Variants in TBCD observed in about 807,000 individuals in gnomAD.
The protein encoded by TBCD is tubulin-specific chaperone D.
TBCD carries 105 observed loss-of-function variants against 169.3 expected under a neutral mutation model. The observed-to-expected ratio is 0.62, with a 90% CI of 0.53 to 0.73. The LOEUF (loss-of-function observed/expected upper bound fraction) is 0.73, where lower values mean the gene tolerates loss of function less well. Ranked by LOEUF, TBCD falls within the 30% of genes least tolerant of loss-of-function variation. TBCD has a pLI of 0.00. For missense variants in TBCD, 1,444 were observed against 1,600.1 expected, an observed-to-expected ratio of 0.90 and a Z score of 1.66; for synonymous variants, 700 against 643.9, an observed-to-expected ratio of 1.09 and a Z score of -1.32.
chr17:82,873,468 A>C (rs1242611665), intron 14 of TBCD, among the ~76,000 whole-genome samples: 2 of 152,118 alleles, frequency 1.3e-5, no homozygotes, highest in Non-Finnish European at 2.9e-5. Context: ...CTGTAATGAG[A>C]GTCTCCAGAT....
At chr17:82,786,746 C>A (rs1436590212) in intron 7 of TBCD, among the ~76,000 whole-genome samples, 1 of 151,962 alleles carries the variant, frequency 6.6e-6, no homozygotes, top group Non-Finnish European at 1.5e-5. Flanking sequence ...GCTCCGAGTC[C>A]TTCTCGGCTT....
At chr17:82,771,768 G>A (rs903634449) in intron 5 of TBCD, among the ~76,000 whole-genome samples, 4 of 151,672 alleles carry the variant, frequency 2.6e-5, no homozygotes, top group African/African-American at 4.8e-5. Flanking sequence ...GTGACAGAGC[G>A]AGACCCGGTC....
At chr17:82,916,967 C>T (rs1413191518) in intron 23 of TBCD, among the ~76,000 whole-genome samples, 10 of 151,808 alleles carry the variant, frequency 6.6e-5, no homozygotes, top group Admixed American at 5.2e-4. Context: ...CGCCTCCTTA[C>T]ACTCCCTCCT....
chr17:82,883,624 C>T (rs1447292302), intron 14 of TBCD, among the ~76,000 whole-genome samples: 2 of 152,194 alleles, frequency 1.3e-5, no homozygotes, highest in African/African-American at 4.8e-5. Flanking sequence ...TCCCTCTGGG[C>T]ACGGTGGGTG....
rs941973414 is a variant in TBCD, at chr17:82,831,052, T to C, written c.1318+16118T>C. Reference sequence around the variant, plus strand: ...AGACTCTGCTGTGGTCTCAGCAGCCTGGGCAGGTAGGCATTCTGTGCTTTT... The same window carrying C: ...AGACTCTGCTGTGGTCTCAGCAGCCCGGGCAGGTAGGCATTCTGTGCTTTT... On this transcript the variant is annotated intron_variant, in intron 13 of 38. Coordinates refer to ENST00000355528, the MANE Select transcript of TBCD (RefSeq NM_005993.5). The surrounding 1 kb of genome is among the most constrained non-coding windows in gnomAD (Gnocchi z 4.6). 9 of 1,614,062 alleles carry C rather than the reference T, an allele frequency of 5.6e-6. No individual in the cohort carries two copies. In the Admixed American group the frequency reaches 6.7e-5, roughly 12 times the overall value.
In TBCD at chr17:82,938,093, C is replaced by G; in HGVS notation, c.3326C>G (p.Ala1109Gly). ...VQFPGDVRRQALLQLCLLLCH... is the reference protein window; with the variant it reads ...VQFPGDVRRQGLLQLCLLLCH... ...TTCCCCGGCGACGTGAGGAGGCAGG[C>G]CCTCCTGCAGCTGTGTCTGCTCCTC... Residue 1109 changes from alanine (A) to glycine (G), a missense_variant, in exon 36 of 39, where the codon GCC becomes GGC. Coordinates refer to ENST00000355528, the MANE Select transcript of TBCD (RefSeq NM_005993.5). The G allele has an allele frequency of 6.2e-7, 1 of 1,612,840 alleles. No homozygotes were observed. Among genetic ancestry groups the G allele is most frequent in the Non-Finnish European group, 8.5e-7 (1 of 1,179,850 alleles).
At chr17:82,841,340 C>T (rs1207416379) in intron 13 of TBCD, among the ~76,000 whole-genome samples, 1 of 150,754 alleles carries the variant, frequency 6.6e-6, no homozygotes, top group East Asian at 1.9e-4. Context: ...TCTTTTGAGA[C>T]AGGGTCTTGC....
Position 82,893,553 on chromosome 17 carries a change from T to G in TBCD, c.1570T>G (p.Phe524Val). The change falls in exon 17 of 39, where the codon TTC (phenylalanine) becomes GTC (valine). Residue 524 changes from phenylalanine to valine, a missense_variant. Physicochemically the swap from Phe to Val is conservative, Grantham distance 50. Transcript: ENST00000355528. ...ATTTCCACTTTCTTATTAGGGCACT[T>G]TCCCTCATGGTATTGATATTTTGAC... Reference protein sequence around the residue: ...FQENVGRQGTFPHGIDILTTA... With the variant: ...FQENVGRQGTVPHGIDILTTA... The G allele has an allele frequency of 6.2e-7, 1 of 1,607,980 alleles. No homozygotes were observed. Among genetic ancestry groups the G allele is most frequent in the Non-Finnish European group, 8.5e-7 (1 of 1,177,512 alleles).
At position 82,941,111 on chromosome 17, in the gene TBCD, G is replaced by A. The variant is rs144595948; in HGVS notation, c.3480-288G>A. Among the ~76,000 whole-genome samples the A allele has an allele frequency of 3.7e-3, 563 of 152,340 alleles. 3 individuals carry two copies. Among genetic ancestry groups the A allele is most frequent in the African/African-American group, 0.013 (521 of 41,582 alleles). ...CCCTTGTCAGCCCCTCCTTGGCCTC[G>A]CTTGGTCTGTCCTCCCGCAGTCCCT... On this transcript the variant is annotated intron_variant, in intron 37 of 38. Transcript: ENST00000355528.
intron 14 of TBCD, among the ~76,000 whole-genome samples, chr17:82,877,493 C>T (rs2058055328): frequency 6.6e-6 from 1 of 152,110 alleles, no homozygotes; most frequent in East Asian, 1.9e-4. Context: ...GTGCGCATCA[C>T]CACCCCCGAT....
intron 2 of TBCD, among the ~76,000 whole-genome samples, chr17:82,758,311 G>T (rs896361532): frequency 3.5e-5 from 5 of 143,464 alleles, no homozygotes; most frequent in Admixed American, 2.9e-4. Flanking sequence ...CCGAACCCAG[G>T]AGGCAGAGGT....
At chr17:82,848,427 A>G (rs1430962126) in intron 13 of TBCD, among the ~76,000 whole-genome samples, 3 of 152,154 alleles carry the variant, frequency 2.0e-5, no homozygotes, top group Non-Finnish European at 4.4e-5. Flanking sequence ...ACTTGGGCCA[A>G]GTTTAAGAAT....
intron 34 of TBCD, among the ~76,000 whole-genome samples, chr17:82,935,753 C>G (rs2062569907): frequency 1.3e-5 from 2 of 152,154 alleles, no homozygotes; most frequent in African/African-American, 4.8e-5. Context: ...ACGTACTTTC[C>G]TGTTCATTGT....
In TBCD at chr17:82,824,431, C is replaced by T. The variant is rs950003087; in HGVS notation, c.1318+9497C>T. On this transcript the variant is annotated intron_variant, in intron 13 of 38. Transcript: ENST00000355528. ...ATCTCCTGACCTCATGATCCACCCA[C>T]CTTGGCCTCTCAAAGTGCTGGGATT... Among the ~76,000 whole-genome samples the T allele has an allele frequency of 4.6e-5, 7 of 152,198 alleles. No individual in the cohort carries two copies. The South Asian group carries it at 6.2e-4, about 14-fold the overall frequency.
intron 38 of TBCD, 129 bp from the exon 39 acceptor site, chr17:82,942,320 A>G: frequency 7.3e-7 from 1 of 1,371,070 alleles, no homozygotes; most frequent in Non-Finnish European, 1.0e-6. Flanking sequence ...TGTGTGGGAA[A>G]CGGCACAAAT....
chr17:82,844,787 C>T (rs983147035), intron 13 of TBCD, among the ~76,000 whole-genome samples: 11 of 152,302 alleles, frequency 7.2e-5, no homozygotes, highest in African/African-American at 2.4e-4. Flanking sequence ...AGGTTTTTGA[C>T]CAAATCTTAG....
At position 82,833,023 on chromosome 17, in the gene TBCD, C is replaced by A. The variant is rs2053656015; in HGVS notation, c.1318+18089C>A. Among the ~76,000 whole-genome samples the A allele has an allele frequency of 6.6e-6, 1 of 152,134 alleles. No homozygotes were observed. The highest frequency in any genetic ancestry group is 6.5e-5 in the Admixed American group (1 of 15,276). On this transcript the variant is annotated intron_variant, in intron 13 of 38. Coordinates refer to ENST00000355528, the MANE Select transcript of TBCD (RefSeq NM_005993.5). This position sits in a 1 kb window ranked among gnomAD's most constrained non-coding sequence, Gnocchi z 4.7. Reference sequence around the variant, plus strand: ...CCGGGGGCTGAGGACACCGAGCCCCCTCCCAGGGTCTGGACAGAGTCCTGT... The same window carrying A: ...CCGGGGGCTGAGGACACCGAGCCCCATCCCAGGGTCTGGACAGAGTCCTGT...
chr17:82,937,431 C>A, intron 35 of TBCD, 71 bp downstream of exon 35: 2 of 1,363,590 alleles, frequency 1.5e-6, no homozygotes, highest in South Asian at 1.2e-5. Flanking sequence ...GGGCAGGAGT[C>A]CACGGCTCCA....
chr17:82,914,680 C>T (rs1164993792), intron 23 of TBCD, among the ~76,000 whole-genome samples: 3 of 152,222 alleles, frequency 2.0e-5, no homozygotes, highest in East Asian at 1.9e-4. Flanking sequence ...CAGCTCCCGG[C>T]GCCGGCCCTC....
Sources: gnomAD v4.1 joint callset for allele counts (sites outside exome capture counted in the v4.1 genomes callset) on GRCh38, gnomAD v4.1.1 for gene constraint, Gnocchi (gnomAD v3.1) non-coding constraint, MANE v1.5 for transcripts, NCBI Gene and HGNC (gene_info 2026-07-23, HGNC 2026-07-21) for gene names.